The following LRP1B variants were observed in gnomAD, a reference collection of about 807,000 sequenced individuals.
LRP1B encodes LDL receptor related protein 1B, also known as low-density lipoprotein receptor-related protein 1B.
LRP1B carries 217 observed loss-of-function variants against 556.6 expected under a neutral mutation model. The ratio of observed to expected loss-of-function variants is 0.39; its 90% CI spans 0.35 to 0.44. LRP1B has a LOEUF of 0.44. Ranked by LOEUF, LRP1B falls within the 20% of genes least tolerant of loss-of-function variation. The probability of loss-of-function intolerance (pLI) is 1.00; values close to 1 mark genes in which losing one functional copy is unlikely to be tolerated. For synonymous variants in LRP1B, 2,047 were observed against 1,865.8 expected, an observed-to-expected ratio of 1.10 and a Z score of -2.50; for missense variants, 5,053 against 5,620.8, an observed-to-expected ratio of 0.90 and a Z score of 3.23.
chr2:140,933,266 G>T (rs1695107649), intron 20 of LRP1B, among the ~76,000 whole-genome samples: 1 of 151,982 alleles, frequency 6.6e-6, no homozygotes, highest in South Asian at 2.1e-4. Context: ...AGGTCAAATA[G>T]GTTCTAAAGG....
At chr2:140,506,110 T>C (rs1689397050) in intron 53 of LRP1B, among the ~76,000 whole-genome samples, 1 of 143,958 alleles carries the variant, frequency 6.9e-6, no homozygotes, top group South Asian at 2.2e-4. Flanking sequence ...CTGATAATTC[T>C]GAATTATGTT....
chr2:140,861,577 A>T (rs1379243926), intron 27 of LRP1B, among the ~76,000 whole-genome samples: 6 of 152,242 alleles, frequency 3.9e-5, no homozygotes, highest in African/African-American at 1.4e-4. Context: ...CTGGCTCTAG[A>T]CTAAGCTGAT....
chr2:141,157,333 G>A (rs755577242), intron 7 of LRP1B, among the ~76,000 whole-genome samples: 27 of 151,976 alleles, frequency 1.8e-4, no homozygotes, highest in South Asian at 8.3e-4. Flanking sequence ...TAAAATATAC[G>A]TATTTTCCAA....
At chr2:141,947,824 A>AAACC (rs1553489525) in intron 1 of LRP1B, among the ~76,000 whole-genome samples, 10 of 149,200 alleles carry the variant, frequency 6.7e-5, no homozygotes, top group Admixed American at 4.0e-4. Context: ...CAGAAAAAAA[A>AAACC]AACAACAATA....
chr2:141,614,080 C>A (rs1198823878), intron 2 of LRP1B, among the ~76,000 whole-genome samples: 79 of 47,328 alleles, frequency 1.7e-3, no homozygotes, highest in African/African-American at 5.9e-3. Context: ...AACTCAGCCT[C>A]AAAAAAAAAA....
intron 15 of LRP1B, 76 bp from the exon 16 acceptor site, chr2:140,994,211 T>A (rs1697176065): frequency 7.3e-7 from 1 of 1,372,576 alleles, no homozygotes. Flanking sequence ...TCTTGTAGAG[T>A]TTTTTGTTTG....
chr2:140,916,375 GAAAAC>G (rs1235558571), intron 21 of LRP1B, among the ~76,000 whole-genome samples: 5 of 152,114 alleles, frequency 3.3e-5, no homozygotes, highest in African/African-American at 1.2e-4. Context: ...ATAGGGGAAA[GAAAAC>G]AAAACAATCC....
intron 1 of LRP1B, among the ~76,000 whole-genome samples, chr2:141,922,167 A>G (rs1700203990): frequency 6.6e-6 from 1 of 152,154 alleles, no homozygotes; most frequent in Non-Finnish European, 1.5e-5. Context: ...GTTTGTAAAA[A>G]CATATTAGGC....
At chr2:141,195,765 T>C (rs557841795) in intron 6 of LRP1B, among the ~76,000 whole-genome samples, 1 of 152,242 alleles carries the variant, frequency 6.6e-6, no homozygotes, top group East Asian at 1.9e-4. Flanking sequence ...TTCTGTGCAT[T>C]GGGACACAAC....
chr2:140,311,841 C>T (rs1684318369), intron 83 of LRP1B, among the ~76,000 whole-genome samples: 1 of 151,826 alleles, frequency 6.6e-6, no homozygotes, highest in African/African-American at 2.4e-5. Flanking sequence ...AATGAATGTT[C>T]ACTCTTTAAG....
At chr2:141,744,326 A>G (rs1330261755) in intron 2 of LRP1B, among the ~76,000 whole-genome samples, 1 of 151,850 alleles carries the variant, frequency 6.6e-6, no homozygotes. Flanking sequence ...GTTATATTCC[A>G]CTGTGATCAG....
intron 79 of LRP1B, among the ~76,000 whole-genome samples, chr2:140,331,635 T>C (rs1476838917): frequency 6.6e-6 from 1 of 150,832 alleles, no homozygotes; most frequent in Non-Finnish European, 1.5e-5. Context: ...CAGAGGACTA[T>C]ATTATTTCAT....
chr2:140,906,624 A>G (rs1694261644), intron 22 of LRP1B, among the ~76,000 whole-genome samples: 2 of 152,102 alleles, frequency 1.3e-5, no homozygotes, highest in African/African-American at 4.8e-5. Context: ...TAAAGACTTA[A>G]TTGAAGAAAA....
intron 2 of LRP1B, among the ~76,000 whole-genome samples, chr2:141,581,415 T>C (rs2105279901): frequency 6.6e-6 from 1 of 152,308 alleles, no homozygotes; most frequent in African/African-American, 2.4e-5. Context: ...TTTTATTTTT[T>C]TGGTATCAAA....
At chr2:141,530,740 G>A (rs1003157311) in intron 2 of LRP1B, among the ~76,000 whole-genome samples, 15 of 152,034 alleles carry the variant, frequency 9.9e-5, no homozygotes, top group African/African-American at 3.6e-4. Flanking sequence ...CCCAAAAGAT[G>A]GGTGGTGTCA....
At chr2:140,662,091 G>GA (rs538741424) in intron 41 of LRP1B, among the ~76,000 whole-genome samples, 6 of 151,640 alleles carry the variant, frequency 4.0e-5, no homozygotes, top group Admixed American at 1.3e-4. Context: ...ACTTAGAGTA[G>GA]AAAAAAACTA....
In LRP1B at chr2:142,112,744, G is replaced by T. The variant is rs1213998541; in HGVS notation, c.82+17904C>A. ...ATTCTATCTTCTACTCTTCGAATTG[G>T]TTCTGATGTGCTCAGTACAAGACTC... On this transcript the variant is annotated intron_variant, in intron 1 of 90. Coordinates refer to ENST00000389484, the MANE Select transcript of LRP1B (RefSeq NM_018557.3). Among the ~76,000 whole-genome samples the T allele has an allele frequency of 2.6e-5, 4 of 152,100 alleles. No individual in the cohort carries two copies. The South Asian group carries it at 6.2e-4, about 24-fold the overall frequency.
intron 7 of LRP1B, among the ~76,000 whole-genome samples, chr2:141,119,790 T>C (rs1701000252): frequency 6.6e-6 from 1 of 151,576 alleles, no homozygotes; most frequent in Non-Finnish European, 1.5e-5. Context: ...AAGTATCTGT[T>C]ATGTATAAAG....
intron 86 of LRP1B, among the ~76,000 whole-genome samples, chr2:140,263,867 A>C (rs1016276660): frequency 6.6e-6 from 1 of 150,720 alleles, no homozygotes; most frequent in African/African-American, 2.4e-5. Context: ...CCCAACTCCA[A>C]AGCCACAGTC....
Sources: gnomAD v4.1 joint callset for allele counts (sites outside exome capture counted in the v4.1 genomes callset) on GRCh38, gnomAD v4.1.1 for gene constraint, MANE v1.5 for transcripts, NCBI Gene and HGNC (gene_info 2026-07-23, HGNC 2026-07-21) for gene names.